The following KCNMB2 variants were observed in gnomAD, a reference collection of about 807,000 sequenced individuals.
KCNMB2 encodes the protein calcium-activated potassium channel subunit beta-2.
A neutral mutation model predicts 24.5 loss-of-function variants in KCNMB2; 9 were observed. That is an observed-to-expected ratio of 0.37 (90% CI 0.22 to 0.64). The LOEUF is 0.64. KCNMB2 is among the 30% of genes least tolerant of loss of function. The pLI is 0.63. For synonymous variants in KCNMB2, 109 were observed against 104.4 expected, an observed-to-expected ratio of 1.04 and a Z score of -0.27; for missense variants, 226 against 284.3, an observed-to-expected ratio of 0.79 and a Z score of 1.47.
At chr3:178,619,649 T>C (rs1361311331) in intron 1 of KCNMB2, among the ~76,000 whole-genome samples, 2 of 152,150 alleles carry the variant, frequency 1.3e-5, no homozygotes, top group Admixed American at 6.5e-5. Flanking sequence ...TGATTATATA[T>C]GGAAATAAGG....
At chr3:178,679,432 C>G (rs1052845842) in intron 1 of KCNMB2, among the ~76,000 whole-genome samples, 1 of 152,124 alleles carries the variant, frequency 6.6e-6, no homozygotes, top group East Asian at 1.9e-4. Flanking sequence ...TGAATGAATG[C>G]GTATTAAAAT....
Position 178,843,066 on chromosome 3 carries a change from C to G in KCNMB2, c.*129C>G. 1 of 741,288 alleles carries G rather than the reference C, an allele frequency of 1.3e-6. No homozygotes were observed. Among genetic ancestry groups the G allele is most frequent in the East Asian group, 2.7e-5 (1 of 37,074 alleles). 45.9% of individuals were successfully genotyped at this position (741,288 alleles called of 1,614,324 possible). ...CCCTAATATATTCTTATATGTAGAGCAATAATGCAAAAGCTGTTCTATATG... is the reference window on the plus strand; with the variant it reads ...CCCTAATATATTCTTATATGTAGAGGAATAATGCAAAAGCTGTTCTATATG... On this transcript the variant is annotated 3_prime_UTR_variant, in exon 5 of 5. Coordinates refer to ENST00000452583, the MANE Select transcript of KCNMB2 (RefSeq NM_181361.3).
At chr3:178,702,721 T>C (rs1021908933) in intron 1 of KCNMB2, among the ~76,000 whole-genome samples, 2 of 152,218 alleles carry the variant, frequency 1.3e-5, no homozygotes, top group Non-Finnish European at 2.9e-5. Context: ...AAACAGTTAA[T>C]CAAGGGATAT....
intron 1 of KCNMB2, among the ~76,000 whole-genome samples, chr3:178,625,685 A>T (rs1251718989): frequency 6.6e-6 from 1 of 152,152 alleles, no homozygotes; most frequent in East Asian, 1.9e-4. Flanking sequence ...TCAAATACTA[A>T]CCCTTCACCT....
intron 1 of KCNMB2, among the ~76,000 whole-genome samples, chr3:178,680,489 A>G: frequency 6.6e-6 from 1 of 152,200 alleles, no homozygotes; most frequent in Admixed American, 6.5e-5. Flanking sequence ...GGGAAATGAA[A>G]ATGCAGGAAA....
At chr3:178,611,826 T>C (rs1577047876) in intron 1 of KCNMB2, among the ~76,000 whole-genome samples, 1 of 152,200 alleles carries the variant, frequency 6.6e-6, no homozygotes, top group East Asian at 1.9e-4. Context: ...TTACTAGTTC[T>C]TTAAGATGCA....
intron 1 of KCNMB2, among the ~76,000 whole-genome samples, chr3:178,707,423 T>C (rs6414483): frequency 0.38 from 58,213 of 151,880 alleles, 11,191 homozygotes; most frequent in Middle Eastern, 0.51. Flanking sequence ...GTTGGTACTC[T>C]GAAGTGCCAT....
At chr3:178,576,916 C>G (rs562648069) in intron 1 of KCNMB2, among the ~76,000 whole-genome samples, 1 of 152,322 alleles carries the variant, frequency 6.6e-6, no homozygotes, top group East Asian at 1.9e-4. Flanking sequence ...GTGGGTGCAG[C>G]CTCAGCAGAC....
At chr3:178,781,879 C>T (rs6769974) in intron 1 of KCNMB2, among the ~76,000 whole-genome samples, 31,197 of 144,880 alleles carry the variant, frequency 0.22, 3,566 homozygotes, top group Middle Eastern at 0.34. Context: ...CATGCTGGTG[C>T]GCTGCACCCA....
At chr3:178,721,013 C>T (rs994029092) in intron 1 of KCNMB2, among the ~76,000 whole-genome samples, 17 of 151,586 alleles carry the variant, frequency 1.1e-4, no homozygotes, top group Non-Finnish European at 1.9e-4. Flanking sequence ...CTTTTGTTGC[C>T]ATTGCTTTTG....
At chr3:178,540,741 C>G (rs781593205) in intron 1 of KCNMB2, among the ~76,000 whole-genome samples, 59 of 152,184 alleles carry the variant, frequency 3.9e-4, no homozygotes, top group Non-Finnish European at 6.3e-4. Flanking sequence ...CCTGAAAACA[C>G]CTTTCAAATC....
At chr3:178,740,347 C>G (rs1446892172) in intron 1 of KCNMB2, among the ~76,000 whole-genome samples, 2 of 152,124 alleles carry the variant, frequency 1.3e-5, no homozygotes, top group East Asian at 3.9e-4. Flanking sequence ...GTCTCGATCT[C>G]CTGACCTCAT....
chr3:178,759,455 A>C (rs1037520679), intron 1 of KCNMB2, among the ~76,000 whole-genome samples: 2 of 59,372 alleles, frequency 3.4e-5, no homozygotes, highest in Non-Finnish European at 3.0e-5. Flanking sequence ...ATATATATAT[A>C]TATCTCCAAG....
chr3:178,796,910 G>A (rs571699447), intron 1 of KCNMB2, among the ~76,000 whole-genome samples: 1 of 151,916 alleles, frequency 6.6e-6, no homozygotes, highest in Non-Finnish European at 1.5e-5. Context: ...CAGAAATAAA[G>A]AAATTGAAAT....
intron 1 of KCNMB2, among the ~76,000 whole-genome samples, chr3:178,608,396 A>G (rs373022089): frequency 3.9e-5 from 6 of 151,914 alleles, no homozygotes; most frequent in Middle Eastern, 3.4e-3. Context: ...CCTTTTTTTA[A>G]TTTTTGTGGG....
chr3:178,545,873 C>T (rs978400943), intron 1 of KCNMB2, among the ~76,000 whole-genome samples: 7 of 152,132 alleles, frequency 4.6e-5, no homozygotes, highest in African/African-American at 7.2e-5. Flanking sequence ...ACATTTTCAT[C>T]GCATTTTGAC....
At chr3:178,834,419 A>T (rs1483050498) in intron 4 of KCNMB2, among the ~76,000 whole-genome samples, 1 of 152,236 alleles carries the variant, frequency 6.6e-6, no homozygotes, top group Non-Finnish European at 1.5e-5. Context: ...GAGTTCTGAA[A>T]AATCCAAATT....
At chr3:178,559,780 C>T (rs564576678) in intron 1 of KCNMB2, among the ~76,000 whole-genome samples, 12 of 150,112 alleles carry the variant, frequency 8.0e-5, no homozygotes, top group African/African-American at 2.5e-4. Flanking sequence ...GTCCACTTTG[C>T]GAAAATGATT....
chr3:178,690,286 G>A (rs1332229299), intron 1 of KCNMB2, among the ~76,000 whole-genome samples: 1 of 151,648 alleles, frequency 6.6e-6, no homozygotes, highest in Non-Finnish European at 1.5e-5. Context: ...CTATAATAAA[G>A]TTTCTAATTA....
Sources: gnomAD v4.1 joint callset for allele counts (sites outside exome capture counted in the v4.1 genomes callset) on GRCh38, gnomAD v4.1.1 for gene constraint, MANE v1.5 for transcripts, NCBI Gene and HGNC (gene_info 2026-07-23, HGNC 2026-07-21) for gene names.